The following PLEKHG4B variants were observed in gnomAD, a reference collection of about 807,000 sequenced individuals.
The protein encoded by PLEKHG4B is pleckstrin homology domain-containing family G member 4B.
A neutral mutation model predicts 121.3 loss-of-function variants in PLEKHG4B; 111 were observed. That is an observed-to-expected ratio of 0.92 (90% CI 0.78 to 1.07). The LOEUF (loss-of-function observed/expected upper bound fraction) is 1.07, where lower values mean the gene tolerates loss of function less well. Among genes scored for constraint, PLEKHG4B ranks in the 50% least tolerant of loss-of-function variants. The pLI, the probability that PLEKHG4B is intolerant of heterozygous loss-of-function variation, is 0.00. For missense variants in PLEKHG4B, 1,831 were observed against 1,757.8 expected, an observed-to-expected ratio of 1.04 and a Z score of -0.74; for synonymous variants, 738 against 725.0, an observed-to-expected ratio of 1.02 and a Z score of -0.29.
chr5:161,991 G>A (rs1325561720), intron 12 of PLEKHG4B, 47 bp downstream of exon 12: 1 of 1,550,230 alleles, frequency 6.5e-7, no homozygotes. Flanking sequence ...GGCTCCTTAG[G>A]CTGTGGACAT....
chr5:96,946 A>G (rs1384995587), intron 1 of PLEKHG4B, among the ~76,000 whole-genome samples: 1 of 152,254 alleles, frequency 6.6e-6, no homozygotes, highest in African/African-American at 2.4e-5. Flanking sequence ...TACATAACGT[A>G]AAATCAACCA....
intron 6 of PLEKHG4B, among the ~76,000 whole-genome samples, chr5:149,601 G>T (rs1270081357): frequency 2.0e-5 from 3 of 151,940 alleles, no homozygotes; most frequent in Non-Finnish European, 2.9e-5. Flanking sequence ...AGAATGGGGG[G>T]AAATTTTGGC....
intron 3 of PLEKHG4B, 104 bp from the exon 4 acceptor site, chr5:142,943 C>G: frequency 1.8e-6 from 2 of 1,100,736 alleles, no homozygotes; most frequent in Non-Finnish European, 2.7e-6. Context: ...CCCCTACTTT[C>G]ATGCGTGTTT....
chr5:127,633 C>G (rs1734660222), intron 2 of PLEKHG4B, among the ~76,000 whole-genome samples: 1 of 151,992 alleles, frequency 6.6e-6, no homozygotes, highest in African/African-American at 2.4e-5. Flanking sequence ...TAGGTGGCGG[C>G]CGAACAGTGA....
chr5:162,613 C>A, intron 12 of PLEKHG4B, 109 bp from the exon 13 acceptor site: 1 of 809,346 alleles, frequency 1.2e-6, no homozygotes, highest in Non-Finnish European at 1.7e-6. Context: ...GCTCTGCTTT[C>A]TGGCCCCCTG....
intron 7 of PLEKHG4B, among the ~76,000 whole-genome samples, chr5:153,434 C>T (rs1385493526): frequency 6.6e-6 from 1 of 152,182 alleles, no homozygotes; most frequent in East Asian, 1.9e-4. Flanking sequence ...CGTGGTTAGA[C>T]TCCAACCGGC....
intron 16 of PLEKHG4B, 68 bp from the exon 17 acceptor site, chr5:172,829 A>G (rs1736608998): frequency 6.4e-7 from 1 of 1,551,268 alleles, no homozygotes; most frequent in East Asian, 2.2e-5. Context: ...TTAGACGGAG[A>G]CAGTGACCTG....
chr5:154,710 T>C (rs1735714062), intron 7 of PLEKHG4B, among the ~76,000 whole-genome samples, 165 bp from the exon 8 acceptor site: 1 of 150,892 alleles, frequency 6.6e-6, no homozygotes, highest in African/African-American at 2.4e-5. Context: ...CTCGCTTTCA[T>C]TACTGCACCC....
intron 7 of PLEKHG4B, among the ~76,000 whole-genome samples, chr5:154,252 C>T (rs1012948500): frequency 6.6e-6 from 1 of 152,242 alleles, no homozygotes; most frequent in Non-Finnish European, 1.5e-5. Context: ...TATCCGCCTG[C>T]CTCGGCCTCC....
intron 13 of PLEKHG4B, among the ~76,000 whole-genome samples, chr5:168,393 C>T (rs957215951): frequency 1.3e-5 from 2 of 152,202 alleles, no homozygotes; most frequent in African/African-American, 4.8e-5. Context: ...CCCGAGTACC[C>T]CTGAAGCTGC....
intron 11 of PLEKHG4B, among the ~76,000 whole-genome samples, chr5:158,160 C>A (rs1051479195): frequency 6.6e-6 from 1 of 151,498 alleles, no homozygotes; most frequent in Non-Finnish European, 1.5e-5. Flanking sequence ...TCCATCTCCC[C>A]TCCTCCCTCT....
rs983787065 is a variant in PLEKHG4B, at chr5:157,906, C to G, written c.2487+995C>G. On this transcript the variant is annotated intron_variant, in intron 11 of 19. Transcript: ENST00000637938. The surrounding 1 kb of genome is among the most constrained non-coding windows in gnomAD (Gnocchi z 4.6). ...GGCAAAGCTCCCCCGGCCTTCAGGT[C>G]CATGCGCGTGCCCTCACGGGGGCCT... Among the ~76,000 whole-genome samples, 4 of 152,172 alleles carry G rather than the reference C, an allele frequency of 2.6e-5. No individual in the cohort carries two copies. The highest frequency in any genetic ancestry group is 4.4e-5 in the Non-Finnish European group (3 of 68,012).
chr5:130,070 T>TGAGA (rs56219630), intron 2 of PLEKHG4B, among the ~76,000 whole-genome samples: 4 of 130,910 alleles, frequency 3.1e-5, no homozygotes, highest in Non-Finnish European at 3.6e-5. Context: ...GAAGAGAGAG[T>TGAGA]GAGAGAGAGA....
chr5:97,063 A>G (rs991604071), intron 1 of PLEKHG4B, among the ~76,000 whole-genome samples: 5 of 152,124 alleles, frequency 3.3e-5, no homozygotes, highest in Non-Finnish European at 5.9e-5. Flanking sequence ...CAAACCCCTT[A>G]CCTGTCATTC....
Position 183,480 on chromosome 5 carries a change from C to T in PLEKHG4B, c.*1157C>T, listed in dbSNP as rs997328463. The T allele has an allele frequency of 1.3e-5, 2 of 152,226 alleles. No individual in the cohort carries two copies. Among genetic ancestry groups the T allele is most frequent in the Non-Finnish European group, 2.9e-5 (2 of 68,080 alleles). 9.4% of individuals were successfully genotyped at this position (152,226 alleles called of 1,614,324 possible). On this transcript the variant is annotated 3_prime_UTR_variant, in exon 20 of 20. Coordinates refer to ENST00000637938, the MANE Select transcript of PLEKHG4B (RefSeq NM_052909.5). ...CGTCCAGAAAGTTAAAGTTAAGAAC[C>T]TATAATCCCAGCACTTTGGGAGGCC...
chr5:162,980 C>T lies in PLEKHG4B; in HGVS notation c.2908C>T (p.Leu970Phe). The T allele has an allele frequency of 6.4e-7, 1 of 1,567,734 alleles. No homozygotes were observed. Among genetic ancestry groups the T allele is most frequent in the African/African-American group, 1.4e-5 (1 of 73,862 alleles). Residue 970 changes from leucine to phenylalanine, a missense_variant, in exon 13 of 20, where the codon CTT becomes TTT. Coordinates refer to ENST00000637938, the MANE Select transcript of PLEKHG4B (RefSeq NM_052909.5). ...TGCCCCAGACCCCAGCTTACCGCCCCTTGCCCAGAGCCCCCCAAAGCATGA... is the reference window on the plus strand; with the variant it reads ...TGCCCCAGACCCCAGCTTACCGCCCTTTGCCCAGAGCCCCCCAAAGCATGA... ...EAAPDPSLPPLAQSPPKHERA... is the reference protein window; with the variant it reads ...EAAPDPSLPPFAQSPPKHERA...
At chr5:170,950 C>A in intron 14 of PLEKHG4B, 93 bp from the exon 15 acceptor site, 1 of 978,106 alleles carries the variant, frequency 1.0e-6, no homozygotes, top group Non-Finnish European at 1.6e-6. Context: ...GGTCTTGGGA[C>A]GGGAGCAGTT....
At chr5:94,918 G>C (rs1262271725) in intron 1 of PLEKHG4B, among the ~76,000 whole-genome samples, 1 of 152,170 alleles carries the variant, frequency 6.6e-6, no homozygotes, top group East Asian at 1.9e-4. Flanking sequence ...GTACCCTAGA[G>C]TCAAACTTGA....
At position 156,158 on chromosome 5, in the gene PLEKHG4B, G is replaced by A; in HGVS notation, c.2296G>A (p.Gly766Ser). 1 of 1,592,110 alleles carries A rather than the reference G, an allele frequency of 6.3e-7. No homozygotes were observed. The change falls in exon 10 of 20, where the codon GGC becomes AGC. Residue 766 changes from glycine (G) to serine (S), a missense_variant. Transcript: ENST00000637938. The surrounding 1 kb of genome is among the most constrained non-coding windows in gnomAD (Gnocchi z 4.4). ...GCTTGTGTCTCTCAGGCTGGAGGGG[G>A]GCACCGTCCTGGCGCGGCTGAGGAG... ...PLLVSLRLEG[G>S]TVLARLRREE...
Sources: allele counts gnomAD v4.1 joint callset (sites outside exome capture counted in the v4.1 genomes callset), GRCh38; gene constraint gnomAD v4.1.1; non-coding constraint Gnocchi (gnomAD v3.1); transcripts MANE v1.5; gene names NCBI Gene and HGNC (gene_info 2026-07-23, HGNC 2026-07-21).